HIVEP3: variants seen among roughly 807,000 people sequenced by gnomAD.
HIVEP3 encodes the protein transcription factor HIVEP3.
A neutral mutation model predicts 152.8 loss-of-function variants in HIVEP3; 49 were observed. The ratio of observed to expected loss-of-function variants is 0.32; its 90% CI spans 0.26 to 0.41. The LOEUF (loss-of-function observed/expected upper bound fraction) is 0.41, where lower values mean the gene tolerates loss of function less well. HIVEP3 is among the 10% of genes least tolerant of loss of function. The probability of loss-of-function intolerance (pLI) is 1.00; values close to 1 mark genes in which losing one functional copy is unlikely to be tolerated. For missense variants in HIVEP3, 2,790 were observed against 3,103.3 expected, an observed-to-expected ratio of 0.90 and a Z score of 2.40; for synonymous variants, 1,269 against 1,289.0, an observed-to-expected ratio of 0.98 and a Z score of 0.33.
At chr1:41,912,053 T>C (rs186125381) in intron 1 of HIVEP3, among the ~76,000 whole-genome samples, 69 of 152,340 alleles carry the variant, frequency 4.5e-4, no homozygotes, top group African/African-American at 1.5e-3. Flanking sequence ...ATTCCATTTA[T>C]ATGAAGTTCA....
intron 1 of HIVEP3, among the ~76,000 whole-genome samples, chr1:41,704,654 T>C (rs1646408555): frequency 2.6e-5 from 4 of 152,264 alleles, no homozygotes; most frequent in Admixed American, 1.3e-4. Flanking sequence ...ACAATGAGTC[T>C]GCAGTGGGCA....
At chr1:41,925,433 A>G (rs566154505) in intron 1 of HIVEP3, among the ~76,000 whole-genome samples, 25 of 152,366 alleles carry the variant, frequency 1.6e-4, no homozygotes, top group Non-Finnish European at 2.5e-4. Context: ...AAGAAAAATC[A>G]TAAGAGAAAA....
At chr1:41,660,819 A>G (rs1181030205) in intron 2 of HIVEP3, among the ~76,000 whole-genome samples, 3 of 152,252 alleles carry the variant, frequency 2.0e-5, no homozygotes, top group African/African-American at 4.8e-5. Context: ...AAAGGGTAAT[A>G]GAGAGCTTGC....
At chr1:41,769,501 G>A (rs1648218849) in intron 1 of HIVEP3, among the ~76,000 whole-genome samples, 1 of 152,098 alleles carries the variant, frequency 6.6e-6, no homozygotes, top group Non-Finnish European at 1.5e-5. Context: ...AGATTCCTTA[G>A]AGAAAGCACT....
At chr1:41,790,742 G>A (rs1006538224) in intron 1 of HIVEP3, among the ~76,000 whole-genome samples, 7 of 152,082 alleles carry the variant, frequency 4.6e-5, no homozygotes, top group African/African-American at 1.7e-4. Context: ...GCCACTCCCT[G>A]TTTCTTACCA....
chr1:41,982,433 C>T (rs1645298556), intron 1 of HIVEP3, among the ~76,000 whole-genome samples: 1 of 152,186 alleles, frequency 6.6e-6, no homozygotes, highest in Admixed American at 6.5e-5. Flanking sequence ...TTTTGATGAA[C>T]AGCTACAGCC....
intron 5 of HIVEP3, chr1:41,542,932 G>C (rs1486472515): frequency 6.6e-6 from 1 of 152,196 alleles, no homozygotes. Flanking sequence ...TAACCTAACT[G>C]TTAGGTTTCT....
rs142242758 is a variant in HIVEP3, at chr1:41,708,052, G to A, written c.-800-7057C>T. On this transcript the variant is annotated intron_variant, in intron 1 of 8. Transcript: ENST00000372583. ...CTTGTTAGAATTTCTAGAGTGACTG[G>A]GAGATGCCAGGAGGGGCCATCCCCC... Among the ~76,000 whole-genome samples, 187 of 152,266 alleles carry A rather than the reference G, an allele frequency of 1.2e-3. 1 individual carries two copies. Among genetic ancestry groups the A allele is most frequent in the African/African-American group, 4.4e-3 (181 of 41,550 alleles).
intron 1 of HIVEP3, among the ~76,000 whole-genome samples, chr1:41,957,679 TG>T (rs1645147164): frequency 6.6e-6 from 1 of 152,180 alleles, no homozygotes; most frequent in Non-Finnish European, 1.5e-5. Context: ...CAGAAGGGCT[TG>T]TTCATGGTCC....
At chr1:41,880,831 T>C (rs1176195644) in intron 1 of HIVEP3, among the ~76,000 whole-genome samples, 4 of 152,110 alleles carry the variant, frequency 2.6e-5, no homozygotes, top group Non-Finnish European at 4.4e-5. Flanking sequence ...GGGGCGAGCA[T>C]CCCCTAATCC....
At chr1:41,805,341 C>T (rs549417327) in intron 1 of HIVEP3, among the ~76,000 whole-genome samples, 10 of 152,174 alleles carry the variant, frequency 6.6e-5, no homozygotes, top group East Asian at 5.8e-4. Flanking sequence ...CCTCTCAAGA[C>T]AAATTTAAAA....
chr1:41,994,002 G>A (rs1645379917), intron 1 of HIVEP3, among the ~76,000 whole-genome samples: 1 of 121,332 alleles, frequency 8.2e-6, no homozygotes, highest in Non-Finnish European at 1.7e-5. Flanking sequence ...GACTGTTGTG[G>A]GGTGGGGGGA....
At chr1:41,698,062 G>C (rs1369808718) in intron 2 of HIVEP3, among the ~76,000 whole-genome samples, 1 of 152,196 alleles carries the variant, frequency 6.6e-6, no homozygotes, top group Non-Finnish European at 1.5e-5. Context: ...ACTAGTGCAG[G>C]TGGAGTGTAC....
chr1:41,982,825 G>T (rs1645300914), intron 1 of HIVEP3, among the ~76,000 whole-genome samples: 1 of 152,226 alleles, frequency 6.6e-6, no homozygotes, highest in Admixed American at 6.5e-5. Context: ...TCAAGGCTCT[G>T]CCTGGTACAG....
chr1:41,778,818 G>A (rs1308527389), intron 1 of HIVEP3, among the ~76,000 whole-genome samples: 1 of 152,178 alleles, frequency 6.6e-6, no homozygotes, highest in Non-Finnish European at 1.5e-5. Flanking sequence ...TAAGGAGATG[G>A]AGCATGATGA....
At chr1:41,882,176 G>A (rs1644272266) in intron 1 of HIVEP3, among the ~76,000 whole-genome samples, 1 of 152,162 alleles carries the variant, frequency 6.6e-6, no homozygotes, top group East Asian at 1.9e-4. Context: ...TCAGGAAGTG[G>A]TAAAGTGGCA....
At chr1:41,700,069 C>T (rs1646338152) in intron 2 of HIVEP3, among the ~76,000 whole-genome samples, 1 of 152,262 alleles carries the variant, frequency 6.6e-6, no homozygotes, top group South Asian at 2.1e-4. Flanking sequence ...CCAGTTCAAG[C>T]GTCAACTTTA....
chr1:41,707,904 C>T (rs781225533), intron 1 of HIVEP3, among the ~76,000 whole-genome samples: 1 of 152,228 alleles, frequency 6.6e-6, no homozygotes, highest in Non-Finnish European at 1.5e-5. Context: ...CTGGCCAAGC[C>T]GAACCCTGGC....
At chr1:41,988,775 C>T (rs1378973962) in intron 1 of HIVEP3, among the ~76,000 whole-genome samples, 1 of 152,160 alleles carries the variant, frequency 6.6e-6, no homozygotes, top group Non-Finnish European at 1.5e-5. Context: ...CCCATGTTCA[C>T]TGCAGCATTA....
Sources: gnomAD v4.1 joint callset for allele counts (sites outside exome capture counted in the v4.1 genomes callset) on GRCh38, gnomAD v4.1.1 for gene constraint, MANE v1.5 for transcripts, NCBI Gene and HGNC (gene_info 2026-07-23, HGNC 2026-07-21) for gene names.